Variants in LOXL1 observed in about 807,000 individuals in gnomAD.
LOXL1 encodes lysyl oxidase homolog 1.
LOXL1 carries 31 observed loss-of-function variants against 62.2 expected under a neutral mutation model. That is an observed-to-expected ratio of 0.50 (90% CI 0.37 to 0.67). The LOEUF is 0.67. Ranked by LOEUF, LOXL1 falls within the 30% of genes least tolerant of loss-of-function variation. The pLI, the probability that LOXL1 is intolerant of heterozygous loss-of-function variation, is 0.00. For synonymous variants in LOXL1, 403 were observed against 384.4 expected, an observed-to-expected ratio of 1.05 and a Z score of -0.56; for missense variants, 775 against 843.4, an observed-to-expected ratio of 0.92 and a Z score of 1.00.
At chr15:73,947,993 G>T in intron 5 of LOXL1, 91 bp downstream of exon 5, 5 of 922,530 alleles carry the variant, frequency 5.4e-6, no homozygotes, top group Non-Finnish European at 8.3e-6. Flanking sequence ...CTCTGGGCCT[G>T]TTCCCTTCTC....
chr15:73,940,317 C>T (rs746954281), intron 1 of LOXL1, among the ~76,000 whole-genome samples: 6 of 151,972 alleles, frequency 3.9e-5, no homozygotes, highest in Non-Finnish European at 7.4e-5. Context: ...CCAGCAGCCC[C>T]AAGCTGTTTG....
At chr15:73,939,343 G>T (rs761473677) in intron 1 of LOXL1, among the ~76,000 whole-genome samples, 1 of 152,170 alleles carries the variant, frequency 6.6e-6, no homozygotes, top group East Asian at 1.9e-4. Flanking sequence ...GGTGAGGCGG[G>T]GGGGCCTGGC....
chr15:73,942,970 G>A lies in LOXL1; in HGVS notation c.1211+8G>A. ...GGAGAAGTGTCTGGCCAGGTAAGGA[G>A]CTGAGGCAGAAGTGTAGAGTGTTGG... On this transcript the variant is annotated splice_region_variant and intron_variant, in intron 2 of 6. Coordinates refer to ENST00000261921, the MANE Select transcript of LOXL1 (RefSeq NM_005576.4). The A allele has an allele frequency of 1.2e-6, 2 of 1,605,786 alleles. No individual in the cohort carries two copies. Among genetic ancestry groups the A allele is most frequent in the South Asian group, 2.2e-5 (2 of 90,916 alleles).
Position 73,927,449 on chromosome 15 carries a change from G to A in LOXL1, c.666G>A (p.Ala222=). Residue 222 remains alanine, a synonymous_variant, in exon 1 of 7, where the codon GCG becomes GCA. Coordinates refer to ENST00000261921, the MANE Select transcript of LOXL1 (RefSeq NM_005576.4). ...VGAGAAAVAS[A]GVIYPYQPRA... ...CGGGGGCGGCGGCCGTGGCCTCGGC[G>A]GGGGTCATCTACCCCTACCAGCCCC... 3 of 1,453,220 alleles carry A rather than the reference G, an allele frequency of 2.1e-6. No individual in the cohort carries two copies. Among genetic ancestry groups the A allele is most frequent in the Non-Finnish European group, 2.7e-6 (3 of 1,105,154 alleles). The allele number at this position is 1,453,220 out of a possible 1,614,324, so 90.0% of individuals were successfully genotyped here.
chr15:73,934,722 G>T (rs1368760435), intron 1 of LOXL1, among the ~76,000 whole-genome samples: 1 of 152,190 alleles, frequency 6.6e-6, no homozygotes, highest in Non-Finnish European at 1.5e-5. Flanking sequence ...TGCCCTTGTG[G>T]ATCTTCTATT....
Position 73,943,674 on chromosome 15 carries a change from G to A in LOXL1, c.1211+712G>A, listed in dbSNP as rs572465249. Among the ~76,000 whole-genome samples the A allele has an allele frequency of 1.1e-4, 16 of 152,300 alleles. No homozygotes were observed. The South Asian group carries it at 2.7e-3, about 26-fold the overall frequency. The stretch of plus-strand genomic sequence containing the variant: ...GTTCATATTCTGCTGGAACATAGGT[G>A]CTTTGCGGATACCTCCCTGGGCCAA... On this transcript the variant is annotated intron_variant, in intron 2 of 6. Transcript: ENST00000261921.
chr15:73,944,697 T>G (rs1016357474), intron 2 of LOXL1, among the ~76,000 whole-genome samples: 1 of 152,188 alleles, frequency 6.6e-6, no homozygotes, highest in Non-Finnish European at 1.5e-5. Flanking sequence ...TCACCACCAG[T>G]TTGTGGCCAA....
At chr15:73,942,603 T>C (rs767530275) in intron 1 of LOXL1, among the ~76,000 whole-genome samples, 1 of 152,150 alleles carries the variant, frequency 6.6e-6, no homozygotes, top group African/African-American at 2.4e-5. Flanking sequence ...CTTGTTCATG[T>C]CCAAGCTTTT....
intron 1 of LOXL1, among the ~76,000 whole-genome samples, chr15:73,935,908 CTG>C (rs950220000): frequency 2.1e-5 from 3 of 146,296 alleles, no homozygotes; most frequent in Admixed American, 6.8e-5. Context: ...GAGCTAAAGA[CTG>C]TGTGCCTCTG....
At chr15:73,938,473 G>A (rs189408606) in intron 1 of LOXL1, among the ~76,000 whole-genome samples, 10 of 151,910 alleles carry the variant, frequency 6.6e-5, no homozygotes, top group Admixed American at 6.6e-4. Flanking sequence ...CACTTTGGGA[G>A]GCTAAGGTGG....
At chr15:73,934,737 T>C (rs1191091046) in intron 1 of LOXL1, among the ~76,000 whole-genome samples, 1 of 152,192 alleles carries the variant, frequency 6.6e-6, no homozygotes, top group Non-Finnish European at 1.5e-5. Flanking sequence ...TCTATTTTCA[T>C]GTATAAACAT....
chr15:73,944,022 A>T (rs2068732158), intron 2 of LOXL1, among the ~76,000 whole-genome samples: 1 of 152,226 alleles, frequency 6.6e-6, no homozygotes, highest in Admixed American at 6.5e-5. Context: ...AACTAAGCAG[A>T]GTGATTAGGA....
intron 1 of LOXL1, among the ~76,000 whole-genome samples, chr15:73,928,619 A>C (rs2068611674): frequency 2.6e-5 from 3 of 115,374 alleles, no homozygotes; most frequent in Non-Finnish European, 3.6e-5. Context: ...AAAAAAAAAA[A>C]AAAAAACCTG....
chr15:73,949,441 G>T lies in LOXL1; in HGVS notation c.1603-18G>T, dbSNP rs761559141. ...CCCTGACTAGACTCCCTTTCTCCCT[G>T]TTTCTCTTCTTCCTCAGGTGCACGT... is the stretch of plus-strand genomic sequence containing the variant. On this transcript the variant is annotated intron_variant, in intron 5 of 6. Transcript: ENST00000261921. The T allele has an allele frequency of 1.1e-5, 16 of 1,493,588 alleles. No homozygotes were observed. Among genetic ancestry groups the T allele is most frequent in the African/African-American group, 1.4e-5 (1 of 72,548 alleles). The allele number at this position is 1,493,588 out of a possible 1,614,324, so 92.5% of individuals were successfully genotyped here.
chr15:73,927,639 T>G lies in LOXL1; in HGVS notation c.856T>G (p.Phe286Val), dbSNP rs1313315276. The change falls in exon 1 of 7, where the codon TTC becomes GTC. Residue 286 changes from phenylalanine to valine, a missense_variant. Phe to Val is a conservative substitution (Grantham distance 50). Transcript: ENST00000261921. ...HSLYSEGTPGFEQAYPDPGPE... is the reference protein window; with the variant it reads ...HSLYSEGTPGVEQAYPDPGPE... The stretch of plus-strand genomic sequence containing the variant: ...TCTGTACAGCGAGGGCACCCCCGGC[T>G]TCGAGCAGGCCTACCCTGACCCCGG... 6 of 1,487,830 alleles carry G rather than the reference T, an allele frequency of 4.0e-6. No individual in the cohort carries two copies. Among genetic ancestry groups the G allele is most frequent in the Non-Finnish European group, 5.3e-6 (6 of 1,125,654 alleles). The allele number at this position is 1,487,830 out of a possible 1,614,324, so 92.2% of individuals were successfully genotyped here.
chr15:73,935,465 A>T (rs773259778), intron 1 of LOXL1, among the ~76,000 whole-genome samples: 1 of 152,150 alleles, frequency 6.6e-6, no homozygotes, highest in Non-Finnish European at 1.5e-5. Flanking sequence ...TGTAAGAAAT[A>T]TGAAAATTTC....
intron 1 of LOXL1, among the ~76,000 whole-genome samples, chr15:73,936,110 G>A (rs2068670356): frequency 1.3e-5 from 2 of 152,100 alleles, no homozygotes. Flanking sequence ...GCTAGGTAAG[G>A]TCAAACCACA....
At position 73,949,465 on chromosome 15, in the gene LOXL1, G is replaced by A. The variant is rs374285740; in HGVS notation, c.1609G>A (p.Val537Met). The change falls in exon 6 of 7, where the codon GTG (valine) becomes ATG (methionine). Residue 537 changes from valine to methionine, a missense_variant. Coordinates refer to ENST00000261921, the MANE Select transcript of LOXL1 (RefSeq NM_005576.4). The stretch of plus-strand genomic sequence containing the variant: ...TGTTTCTCTTCTTCCTCAGGTGCAC[G>A]TGAACCCAAAGTATATTGTTTTGGA... ...QPGNYILKVH[V>M]NPKYIVLESD... The A allele has an allele frequency of 1.4e-4, 219 of 1,608,936 alleles. No homozygotes were observed. Among genetic ancestry groups the A allele is most frequent in the Non-Finnish European group, 1.8e-4 (208 of 1,175,426 alleles).
In LOXL1 at chr15:73,946,404, G is replaced by A. The variant is rs750676617; in HGVS notation, c.1212-13G>A. The stretch of plus-strand genomic sequence containing the variant: ...GCCCCAACCCCCCCTCATCTCCCCC[G>A]CCGTCCCTGCAGCACAGCCTATGCC... On this transcript the variant is annotated splice_polypyrimidine_tract_variant and intron_variant, in intron 2 of 6. Coordinates refer to ENST00000261921, the MANE Select transcript of LOXL1 (RefSeq NM_005576.4). The A allele has an allele frequency of 1.7e-5, 18 of 1,089,794 alleles. No individual in the cohort carries two copies. The highest frequency in any genetic ancestry group is 6.4e-5 in the East Asian group (2 of 31,120). 67.5% of individuals were successfully genotyped at this position (1,089,794 alleles called of 1,614,324 possible). A position where few individuals can be genotyped will look rare whatever the true frequency, so the allele number is the denominator to read the frequency against.
Sources: allele counts gnomAD v4.1 joint callset (sites outside exome capture counted in the v4.1 genomes callset), GRCh38; gene constraint gnomAD v4.1.1; transcripts MANE v1.5; gene names NCBI Gene and HGNC (gene_info 2026-07-23, HGNC 2026-07-21).